The following METTL15 variants were observed in gnomAD, a reference collection of about 807,000 sequenced individuals.
METTL15 encodes the protein methyltransferase 15, mitochondrial 12S rRNA N4-cytidine.
A neutral mutation model predicts 38.3 loss-of-function variants in METTL15; 34 were observed. The observed-to-expected ratio is 0.89, with a 90% CI of 0.68 to 1.18. METTL15 has a LOEUF of 1.18. Ranked by LOEUF, METTL15 falls within the 50% of genes most tolerant of loss-of-function variation. The probability of loss-of-function intolerance (pLI) is 0.00; values close to 1 mark genes in which losing one functional copy is unlikely to be tolerated. For missense variants in METTL15, 438 were observed against 498.4 expected (o/e 0.88, Z 1.15); for synonymous variants, 162 against 170.9 (o/e 0.95, Z 0.41).
chr11:28,400,066 G>A (rs542010095), intron 5 of METTL15, among the ~76,000 whole-genome samples: 11 of 151,668 alleles, frequency 7.3e-5, no homozygotes, highest in South Asian at 2.1e-4. Context: ...TCTTCTCCCC[G>A]TCCTCACATT....
downstream of METTL15, among the ~76,000 whole-genome samples, chr11:28,336,388 T>C (rs886335503): frequency 6.6e-6 from 1 of 152,056 alleles, no homozygotes; most frequent in African/African-American, 2.4e-5. Flanking sequence ...AAAATACATA[T>C]TGAGGGGGAA....
At position 28,192,564 on chromosome 11, in the gene METTL15, C is replaced by G. The variant is rs149535248; in HGVS notation, c.271-18498C>G. 3.4e-3 allele frequency among the ~76,000 whole-genome samples: 514 copies of G among 151,966 alleles called. 3 individuals carry two copies. Among genetic ancestry groups the G allele is most frequent in the African/African-American group, 0.012 (495 of 41,458 alleles). On this transcript the variant is annotated intron_variant, in intron 3 of 6. Coordinates refer to ENST00000407364, the MANE Select transcript of METTL15 (RefSeq NM_001113528.2). Reference sequence around the variant, plus strand: ...AATGAATTGGGAAATATTCACTCCTCTACTATTTCTTGGAAGATATTTTTG... The same window carrying G: ...AATGAATTGGGAAATATTCACTCCTGTACTATTTCTTGGAAGATATTTTTG...
At chr11:28,509,917 A>ATT (rs149330971) in intron 6 of METTL15, among the ~76,000 whole-genome samples, 7 of 149,446 alleles carry the variant, frequency 4.7e-5, no homozygotes, top group African/African-American at 1.7e-4. Flanking sequence ...GCCAGGTATC[A>ATT]TTTTTTTTTT....
chr11:28,229,976 T>C (rs1252448154), intron 4 of METTL15, among the ~76,000 whole-genome samples: 1 of 151,858 alleles, frequency 6.6e-6, no homozygotes. Flanking sequence ...TCTTTGACCC[T>C]CTCCTTCTAT....
intron 5 of METTL15, among the ~76,000 whole-genome samples, chr11:28,408,703 A>G (rs533198482): frequency 1.4e-4 from 21 of 152,340 alleles, no homozygotes; most frequent in African/African-American, 4.6e-4. Context: ...GACATATGTA[A>G]TATACAACAT....
intron 3 of METTL15, among the ~76,000 whole-genome samples, chr11:28,117,161 A>T (rs1264398144): frequency 1.3e-5 from 2 of 151,830 alleles, no homozygotes; most frequent in East Asian, 3.9e-4. Context: ...TGAGTTTTAA[A>T]AAATGTATAT....
intron 5 of METTL15, among the ~76,000 whole-genome samples, chr11:28,291,173 A>G (rs1172261499): frequency 1.3e-5 from 2 of 151,070 alleles, no homozygotes; most frequent in African/African-American, 4.9e-5. Flanking sequence ...CAGCCTCCTG[A>G]GTAGCTGGGA....
intron 4 of METTL15, among the ~76,000 whole-genome samples, chr11:28,259,150 T>TA (rs1352312799): frequency 3.9e-5 from 6 of 152,092 alleles, no homozygotes; most frequent in Admixed American, 3.9e-4. Flanking sequence ...CCTTCTGGCT[T>TA]ACACCGTGTC....
At chr11:28,133,961 T>C (rs1849426027) in intron 3 of METTL15, among the ~76,000 whole-genome samples, 1 of 152,190 alleles carries the variant, frequency 6.6e-6, no homozygotes, top group African/African-American at 2.4e-5. Flanking sequence ...TTCAACTATG[T>C]TGACTGCTCT....
At chr11:28,195,987 T>C (rs1434765319) in intron 3 of METTL15, among the ~76,000 whole-genome samples, 2 of 152,048 alleles carry the variant, frequency 1.3e-5, no homozygotes, top group African/African-American at 4.8e-5. Flanking sequence ...TTTTGTCTGC[T>C]TAGTTGAAGA....
chr11:28,393,968 ATGTATGTGTG>A (rs36201407), intron 5 of METTL15, among the ~76,000 whole-genome samples: 70,971 of 151,400 alleles, frequency 0.47, 16,967 homozygotes, highest in East Asian at 0.73. Flanking sequence ...TTTAAAAAAT[ATGTATGTGTG>A]TGTATGTGTG....
intron 3 of METTL15, among the ~76,000 whole-genome samples, chr11:28,116,202 A>G (rs1441852357): frequency 6.6e-6 from 1 of 152,178 alleles, no homozygotes; most frequent in Non-Finnish European, 1.5e-5. Flanking sequence ...TAAGGTAGGT[A>G]TGATCTCTTT....
At chr11:28,335,502 G>C (rs1309039392), downstream of METTL15, among the ~76,000 whole-genome samples, 1 of 152,188 alleles carries the variant, frequency 6.6e-6, no homozygotes, top group Non-Finnish European at 1.5e-5. Flanking sequence ...AATGAAATGA[G>C]ATAATGCACT....
At chr11:28,137,431 ATATGT>A (rs1849551590) in intron 3 of METTL15, among the ~76,000 whole-genome samples, 1 of 152,182 alleles carries the variant, frequency 6.6e-6, no homozygotes, top group Non-Finnish European at 1.5e-5. Context: ...AATCTCAATT[ATATGT>A]TATAACAGTA....
intron 3 of METTL15, among the ~76,000 whole-genome samples, chr11:28,116,638 T>C (rs961198716): frequency 2.6e-5 from 4 of 152,242 alleles, no homozygotes; most frequent in Admixed American, 1.3e-4. Flanking sequence ...AATGGCTAGA[T>C]GTTGCTCATA....
intron 6 of METTL15, among the ~76,000 whole-genome samples, chr11:28,438,299 A>G (rs1436831023): frequency 6.6e-6 from 1 of 152,234 alleles, no homozygotes; most frequent in Non-Finnish European, 1.5e-5. Context: ...CAGAGTTTAT[A>G]ACAAGGCATA....
intron 3 of METTL15, among the ~76,000 whole-genome samples, chr11:28,160,289 T>C (rs1413749367): frequency 6.6e-6 from 1 of 152,060 alleles, no homozygotes; most frequent in East Asian, 1.9e-4. Flanking sequence ...ATTATATATA[T>C]ATTCCGTTAG....
chr11:28,195,388 A>G (rs999592497), intron 3 of METTL15, among the ~76,000 whole-genome samples: 2 of 151,860 alleles, frequency 1.3e-5, no homozygotes, highest in Middle Eastern at 3.2e-3. Context: ...TTGTTTTTTG[A>G]CTTTATAATA....
intron 6 of METTL15, among the ~76,000 whole-genome samples, chr11:28,323,052 A>G (rs1175959757): frequency 6.6e-6 from 1 of 152,174 alleles, no homozygotes; most frequent in Non-Finnish European, 1.5e-5. Flanking sequence ...GCACATATAC[A>G]CCTATATGTA....
Sources: allele counts gnomAD v4.1 joint callset (sites outside exome capture counted in the v4.1 genomes callset), GRCh38; gene constraint gnomAD v4.1.1; transcripts MANE v1.5; gene names NCBI Gene and HGNC (gene_info 2026-07-23, HGNC 2026-07-21).